The following LRGUK variants were observed in gnomAD, a reference collection of about 807,000 sequenced individuals.
LRGUK encodes leucine-rich repeat and guanylate kinase domain-containing protein.
In LRGUK, 65 loss-of-function variants were observed where a neutral mutation model predicts 76.0. That is an observed-to-expected ratio of 0.85 (90% CI 0.70 to 1.05). LRGUK has a LOEUF of 1.05. LRGUK is among the 50% of genes least tolerant of loss of function. The probability of loss-of-function intolerance (pLI) is 0.00; values close to 1 mark genes in which losing one functional copy is unlikely to be tolerated. For synonymous variants in LRGUK, 268 were observed against 265.6 expected, an observed-to-expected ratio of 1.01 and a Z score of -0.09; for missense variants, 758 against 732.8, an observed-to-expected ratio of 1.03 and a Z score of -0.40.
chr7:134,233,945 T>C (rs1801959109), intron 16 of LRGUK, among the ~76,000 whole-genome samples: 1 of 152,200 alleles, frequency 6.6e-6, no homozygotes, highest in Admixed American at 6.5e-5. Context: ...CACAAATTCA[T>C]AAACTTTCTT....
chr7:134,217,373 A>G (rs1585569871), intron 15 of LRGUK, among the ~76,000 whole-genome samples: 1 of 152,110 alleles, frequency 6.6e-6, no homozygotes, highest in Non-Finnish European at 1.5e-5. Flanking sequence ...GTTTTTGTTT[A>G]AATAACTAAT....
At chr7:134,175,385 A>G (rs1799438562) in intron 8 of LRGUK, among the ~76,000 whole-genome samples, 1 of 152,146 alleles carries the variant, frequency 6.6e-6, no homozygotes, top group African/African-American at 2.4e-5. Flanking sequence ...TAGGTGAAAA[A>G]CAGAAAATAC....
At chr7:134,144,328 G>C (rs146477035) in intron 4 of LRGUK, among the ~76,000 whole-genome samples, 47 of 151,922 alleles carry the variant, frequency 3.1e-4, no homozygotes, top group African/African-American at 1.1e-3. Flanking sequence ...TTGTAGAGGC[G>C]GGGTTTCACC....
In LRGUK at chr7:134,128,203, G is replaced by T. The variant is rs532245973; in HGVS notation, c.297+539G>T. On this transcript the variant is annotated intron_variant, in intron 1 of 15. Coordinates refer to ENST00000645682, the Ensembl canonical transcript of LRGUK. ...TACATTACTTCTGTCGGGGGCATAT[G>T]CCTTATACAAGCAACATGCACACAC... Among the ~76,000 whole-genome samples, 8 of 152,104 alleles carry T rather than the reference G, an allele frequency of 5.3e-5. No homozygotes were observed. The East Asian group carries it at 1.6e-3, about 29-fold the overall frequency.
chr7:134,244,082 C>T (rs912120073), intron 16 of LRGUK, among the ~76,000 whole-genome samples: 6 of 151,912 alleles, frequency 3.9e-5, no homozygotes, highest in Middle Eastern at 3.2e-3. Flanking sequence ...AATGTTAGAC[C>T]GAAAACCATA....
At chr7:134,243,310 G>T (rs531474421) in intron 16 of LRGUK, among the ~76,000 whole-genome samples, 1 of 152,250 alleles carries the variant, frequency 6.6e-6, no homozygotes, top group East Asian at 1.9e-4. Context: ...AAACCCCATC[G>T]TCTCAGCCCA....
At chr7:134,133,558 C>G (rs1797396937) in intron 1 of LRGUK, among the ~76,000 whole-genome samples, 1 of 152,158 alleles carries the variant, frequency 6.6e-6, no homozygotes, top group African/African-American at 2.4e-5. Context: ...TTCACTGATT[C>G]ACCATGTCTT....
intron 19 of LRGUK, among the ~76,000 whole-genome samples, chr7:134,263,027 C>T (rs1477911503): frequency 7.2e-6 from 1 of 138,334 alleles, no homozygotes; most frequent in Non-Finnish European, 1.6e-5. Context: ...TTGCTGATAA[C>T]AATATCCTCT....
chr7:134,274,521 A>G, the LRGUK span, among the ~76,000 whole-genome samples: 1 of 152,200 alleles, frequency 6.6e-6, no homozygotes, highest in Non-Finnish European at 1.5e-5. Flanking sequence ...TTACCTAGAT[A>G]CATCCTCTTA....
intron 7 of LRGUK, among the ~76,000 whole-genome samples, chr7:134,166,034 T>G (rs1350308743): frequency 6.6e-6 from 1 of 152,056 alleles, no homozygotes; most frequent in Admixed American, 6.6e-5. Flanking sequence ...CTGGGCAGGT[T>G]GAGGAGCAAC....
chr7:134,238,593 T>G (rs1201122563), intron 16 of LRGUK, among the ~76,000 whole-genome samples: 2 of 152,188 alleles, frequency 1.3e-5, no homozygotes, highest in African/African-American at 4.8e-5. Flanking sequence ...TGCCACCTAG[T>G]TCATGAGTTT....
chr7:134,273,659 A>G, the LRGUK span, among the ~76,000 whole-genome samples: 1 of 152,286 alleles, frequency 6.6e-6, no homozygotes, highest in South Asian at 2.1e-4. Flanking sequence ...GATCATATTA[A>G]CATACCCTCA....
intron 8 of LRGUK, 118 bp from the exon 9 acceptor site, chr7:134,176,859 G>T (rs1799501510): frequency 4.8e-6 from 3 of 620,408 alleles, no homozygotes; most frequent in African/African-American, 3.7e-5. Flanking sequence ...CTGTGAGGGT[G>T]TGTGTGGGAA....
chr7:134,271,920 G>A, the LRGUK span, among the ~76,000 whole-genome samples: 2 of 152,012 alleles, frequency 1.3e-5, no homozygotes, highest in East Asian at 1.9e-4. Flanking sequence ...ATGTATTATA[G>A]ATAATTTCAG....
chr7:134,131,958 G>A (rs1032678679), intron 1 of LRGUK, among the ~76,000 whole-genome samples: 2 of 152,152 alleles, frequency 1.3e-5, no homozygotes, highest in African/African-American at 4.8e-5. Flanking sequence ...TATTTAAGTG[G>A]TAGGCAGATG....
intron 10 of LRGUK, among the ~76,000 whole-genome samples, chr7:134,181,078 A>C (rs1241128362): frequency 2.0e-5 from 3 of 152,178 alleles, no homozygotes; most frequent in Non-Finnish European, 4.4e-5. Context: ...GCTGTTATTT[A>C]GTCTCAATTC....
chr7:134,156,086 A>G (rs1024873921), intron 5 of LRGUK, among the ~76,000 whole-genome samples: 3 of 152,230 alleles, frequency 2.0e-5, no homozygotes, highest in Non-Finnish European at 4.4e-5. Flanking sequence ...CAGTAGTATA[A>G]AAGTATCTGT....
At chr7:134,239,656 T>C (rs1034750937) in intron 16 of LRGUK, among the ~76,000 whole-genome samples, 1 of 152,170 alleles carries the variant, frequency 6.6e-6, no homozygotes, top group Non-Finnish European at 1.5e-5. Context: ...CAGAAGAAAC[T>C]TCTGCAGACT....
At chr7:134,171,119 T>C (rs16874431) in intron 7 of LRGUK, among the ~76,000 whole-genome samples, 21,668 of 148,500 alleles carry the variant, frequency 0.15, 2,186 homozygotes, top group East Asian at 0.39. Context: ...TGGCCAAATA[T>C]AGGAAGTCAA....
Sources: gnomAD v4.1 joint callset for allele counts (sites outside exome capture counted in the v4.1 genomes callset) on GRCh38, gnomAD v4.1.1 for gene constraint, MANE v1.5 for transcripts, NCBI Gene and HGNC (gene_info 2026-07-23, HGNC 2026-07-21) for gene names.